TLR2: variants seen among roughly 807,000 people sequenced by gnomAD.
TLR2 encodes toll like receptor 2, also known as toll-like receptor 2.
A neutral mutation model predicts 9.1 loss-of-function variants in TLR2; 7 were observed. The ratio of observed to expected loss-of-function variants is 0.77; its 90% confidence interval spans 0.44 to 1.44. The LOEUF is 1.44. TLR2 is among the 40% of genes most tolerant of loss of function. The pLI is 0.01. For missense variants in TLR2, 812 were observed against 904.6 expected (o/e 0.90, Z 1.31); for synonymous variants, 317 against 344.6 (o/e 0.92, Z 0.89).
chr4:153,705,074 C>A lies in TLR2; in HGVS notation c.2167C>A (p.Arg723Ser), dbSNP rs371652530. The A allele has an allele frequency of 1.4e-5, 22 of 1,614,068 alleles. No homozygotes were observed. In the South Asian group the frequency reaches 2.4e-4, roughly 18 times the overall value. ...CKYELDFSHFRLFDENNDAAI... is the reference protein window; with the variant it reads ...CKYELDFSHFSLFDENNDAAI... ...GTATGAACTGGACTTCTCCCATTTC[C>A]GTCTTTTTGATGAGAACAATGATGC... The change falls in exon 3 of 3, where the codon CGT becomes AGT. Residue 723 changes from arginine to serine, a missense_variant. By Grantham distance (110) the Arg-to-Ser change is moderately radical (BLOSUM62 -1). Transcript: ENST00000642700.
In TLR2 at chr4:153,704,094, AAAATC is replaced by A; in HGVS notation, c.1189_1193del (p.Asn397PhefsTer19). ...TCTCTACAAACTTTAATTTTAAGGC[AAAATC>A]ATTTGGCATCATTGGAAAAAACCGG... On this transcript the variant is annotated frameshift_variant, in exon 3 of 3. Transcript: ENST00000642700. LOFTEE classifies it low-confidence loss of function (END_TRUNC). 6.2e-7 allele frequency: 1 copy of A among 1,614,100 alleles called. No individual in the cohort carries two copies. Among genetic ancestry groups the A allele is most frequent in the Non-Finnish European group, 8.5e-7 (1 of 1,180,002 alleles).
intron 2 of TLR2, among the ~76,000 whole-genome samples, chr4:153,693,761 T>A (rs1367770566): frequency 6.6e-6 from 1 of 152,206 alleles, no homozygotes; most frequent in African/African-American, 2.4e-5. Flanking sequence ...GAGCCCACAC[T>A]TGCCCATTGT....
intron 2 of TLR2, 126 bp from the exon 3 acceptor site, chr4:153,702,758 CTCTTTGTG>C (rs1302858137): frequency 2.4e-5 from 15 of 629,688 alleles, no homozygotes; most frequent in Non-Finnish European, 3.5e-5. Context: ...CTCTCTCTCT[CTCTTTGTG>C]TGTGTGTGTG....
chr4:153,692,075 T>C (rs1736161110), intron 2 of TLR2, among the ~76,000 whole-genome samples: 1 of 152,210 alleles, frequency 6.6e-6, no homozygotes. Flanking sequence ...TTCACATGCC[T>C]TGTAGCAACA....
At position 153,702,762 on chromosome 4, in the gene TLR2, TTGTGTGTGTGTGTG is replaced by T. The variant is rs141605367; in HGVS notation, c.-16-98_-16-85del. 2,043 of 417,158 alleles carry T rather than the reference TTGTGTGTGTGTGTG, an allele frequency of 4.9e-3. 24 individuals are homozygous for T. The highest frequency in any genetic ancestry group is 0.034 in the African/African-American group (1,638 of 47,948). The allele number at this position is 417,158 out of a possible 1,614,324, so 25.8% of individuals were successfully genotyped here. A position where few individuals can be genotyped will look rare whatever the true frequency, so the allele number is the denominator to read the frequency against. ...CATCTGTTTCTCTCTCTCTCTCTCT[TTGTGTGTGTGTGTG>T]TGTGTGTGTGTGTGTGTGTGTGTGT... is the stretch of plus-strand genomic sequence containing the variant. On this transcript the variant is annotated intron_variant, in intron 2 of 2. Transcript: ENST00000642700.
chr4:153,692,064 T>C (rs1194204050), intron 2 of TLR2, among the ~76,000 whole-genome samples: 1 of 152,228 alleles, frequency 6.6e-6, no homozygotes, highest in Non-Finnish European at 1.5e-5. Flanking sequence ...TTTTGAACTG[T>C]TTCACATGCC....
chr4:153,685,239 A>C (rs1301922512), intron 1 of TLR2, among the ~76,000 whole-genome samples: 4 of 152,358 alleles, frequency 2.6e-5, no homozygotes, highest in Admixed American at 2.6e-4. Context: ...AGTGCCCTTT[A>C]CAACTTCTTC....
Position 153,705,047 on chromosome 4 carries a change from A to G in TLR2, c.2140A>G (p.Lys714Glu), listed in dbSNP as rs1205875115. ...SENFVKSEWCKYELDFSHFRL... is the reference protein window; with the variant it reads ...SENFVKSEWCEYELDFSHFRL... ...AAACTTTGTGAAGAGTGAGTGGTGC[A>G]AGTATGAACTGGACTTCTCCCATTT... The change falls in exon 3 of 3, where the codon AAG (lysine) becomes GAG (glutamate). Residue 714 changes from lysine (K) to glutamate (E), a missense_variant. Lys to Glu is a moderately conservative substitution (Grantham distance 56). Transcript: ENST00000642700. The G allele has an allele frequency of 6.2e-7, 1 of 1,614,126 alleles. No individual in the cohort carries two copies. The highest frequency in any genetic ancestry group is 1.7e-5 in the Admixed American group (1 of 60,028).
Position 153,703,750 on chromosome 4 carries a change from A to G in TLR2, c.843A>G (p.Glu281=). 6.2e-7 allele frequency: 1 copy of G among 1,613,952 alleles called. No individual in the cohort carries two copies. ...KLLNQISGLL[E]LEFDDCTLNG... Reference sequence around the variant, plus strand: ...TGAATCAGATTTCTGGATTGTTAGAATTAGAGTTTGATGACTGTACCCTTA... The same window carrying G: ...TGAATCAGATTTCTGGATTGTTAGAGTTAGAGTTTGATGACTGTACCCTTA... The change falls in exon 3 of 3, where the codon GAA becomes GAG. Residue 281 remains glutamate, a synonymous_variant. Coordinates refer to ENST00000642700, the MANE Select transcript of TLR2 (RefSeq NM_001318789.2).
intron 1 of TLR2, among the ~76,000 whole-genome samples, chr4:153,684,977 G>A (rs1735595402): frequency 6.6e-6 from 1 of 151,948 alleles, no homozygotes; most frequent in Admixed American, 6.5e-5. Context: ...CAGGGGGTGT[G>A]TCCTCGCTCA....
At chr4:153,690,968 T>A (rs1255070652) in intron 2 of TLR2, among the ~76,000 whole-genome samples, 1 of 152,220 alleles carries the variant, frequency 6.6e-6, no homozygotes, top group Non-Finnish European at 1.5e-5. Flanking sequence ...AAGTCATAAC[T>A]GAGCATTTTC....
chr4:153,688,298 G>T (rs1241446063), intron 2 of TLR2: 1 of 152,278 alleles, frequency 6.6e-6, no homozygotes, highest in Non-Finnish European at 1.5e-5. Flanking sequence ...AAGAATTATG[G>T]ACCAAGAACC....
downstream of TLR2, among the ~76,000 whole-genome samples, chr4:153,708,372 TTTTA>T (rs1415446519): frequency 1.3e-5 from 2 of 152,260 alleles, no homozygotes; most frequent in Admixed American, 6.5e-5. Context: ...ATGTGAAGTC[TTTTA>T]TTTGTCAATA....
At chr4:153,710,500 G>A (rs769080627), downstream of TLR2, 12 of 1,608,338 alleles carry the variant, frequency 7.5e-6, no homozygotes, top group East Asian at 2.2e-4. Context: ...CTAAATCTCA[G>A]TTAAGGAGGT....
rs201790076 is a variant in TLR2, at chr4:153,703,915, A to C, written c.1008A>C (p.Glu336Asp). The C allele has an allele frequency of 4.3e-5, 70 of 1,613,190 alleles. No homozygotes were observed. The highest frequency in any genetic ancestry group is 5.5e-5 in the Non-Finnish European group (65 of 1,179,832). The change falls in exon 3 of 3, where the codon GAA becomes GAC. Residue 336 changes from glutamate to aspartate, a missense_variant. By Grantham distance (45) the Glu-to-Asp change is conservative (BLOSUM62 2). Transcript: ENST00000642700. ...TGAGCACTTTATATTCACTTACAGA[A>C]AGAGTTAAAAGAATCACAGTAGAAA... ...YDLSTLYSLT[E>D]RVKRITVENS...
At chr4:153,701,633 ATG>A (rs1736896160) in intron 2 of TLR2, 2 of 152,194 alleles carry the variant, frequency 1.3e-5, no homozygotes, top group East Asian at 3.9e-4. Flanking sequence ...GTGTATACAT[ATG>A]TGTGTATACA....
intron 2 of TLR2, among the ~76,000 whole-genome samples, chr4:153,692,893 G>A (rs1011669094): frequency 5.9e-5 from 9 of 152,198 alleles, no homozygotes; most frequent in African/African-American, 2.2e-4. Flanking sequence ...GTGCTGTACA[G>A]AAATGATTGA....
intron 2 of TLR2, among the ~76,000 whole-genome samples, chr4:153,690,759 T>C (rs1348444433): frequency 6.6e-6 from 1 of 152,230 alleles, no homozygotes; most frequent in African/African-American, 2.4e-5. Context: ...CCAGAGGCAT[T>C]AACATGGGTT....
chr4:153,693,195 C>T (rs960540045), intron 2 of TLR2, among the ~76,000 whole-genome samples: 21 of 152,192 alleles, frequency 1.4e-4, no homozygotes, highest in African/African-American at 4.6e-4. Context: ...TTTGTACTTG[C>T]ACGCCTTTTA....
Sources: allele counts gnomAD v4.1 joint callset (sites outside exome capture counted in the v4.1 genomes callset), GRCh38; gene constraint gnomAD v4.1.1; transcripts MANE v1.5; gene names NCBI Gene and HGNC (gene_info 2026-07-23, HGNC 2026-07-21).